CRAMP1: variants seen among roughly 807,000 people sequenced by gnomAD.
The protein encoded by CRAMP1 is protein cramped-like.
In CRAMP1, 50 loss-of-function variants were observed where a neutral mutation model predicts 115.4. That is an observed-to-expected ratio of 0.43 (90% CI 0.35 to 0.55). CRAMP1 has a LOEUF of 0.55. Ranked by LOEUF, CRAMP1 falls within the 20% of genes least tolerant of loss-of-function variation. The probability of loss-of-function intolerance (pLI) is 0.01; values close to 1 mark genes in which losing one functional copy is unlikely to be tolerated. For synonymous variants in CRAMP1, 866 were observed against 745.4 expected, an observed-to-expected ratio of 1.16 and a Z score of -2.64; for missense variants, 1,679 against 1,721.7, an observed-to-expected ratio of 0.98 and a Z score of 0.44.
intron 1 of CRAMP1, among the ~76,000 whole-genome samples, chr16:1,613,517 C>A (rs945736913): frequency 6.6e-6 from 1 of 152,212 alleles, no homozygotes; most frequent in African/African-American, 2.4e-5. Context: ...GGAATCTAAT[C>A]TTCAGCGTTT....
At chr16:1,654,974 C>G (rs1262600603) in intron 8 of CRAMP1, among the ~76,000 whole-genome samples, 1 of 152,268 alleles carries the variant, frequency 6.6e-6, no homozygotes, top group Non-Finnish European at 1.5e-5. Context: ...CTTTTGCTGG[C>G]AAAGAATACT....
rs1183355498 is a variant in CRAMP1, at chr16:1,674,036, G to A, written c.3801G>A (p.Leu1267=). 1 of 1,611,936 alleles carries A rather than the reference G, an allele frequency of 6.2e-7. No individual in the cohort carries two copies. Among genetic ancestry groups the A allele is most frequent in the Non-Finnish European group, 8.5e-7 (1 of 1,179,800 alleles). The change falls in exon 21 of 21, where the codon CTG becomes CTA. Residue 1267 remains leucine (L), a synonymous_variant. Coordinates refer to ENST00000397412, the MANE Select transcript of CRAMP1 (RefSeq NM_020825.4). The stretch of plus-strand genomic sequence containing the variant: ...GAGGCGGCCCCGCTGTCAGTGACCT[G>A]TCCCAGTGACCACACGTCCTGGTGG... ...GGGGGPAVSD[L]SQ
At position 1,660,050 on chromosome 16, in the gene CRAMP1, A is replaced by C. The variant is rs557124584; in HGVS notation, c.2400A>C (p.Ala800=). ...GCAAGACCTTCCCGCCCAGCTCTGCACCCTGCTCCTCAGGTGAGGCTGTGG... is the reference window on the plus strand; with the variant it reads ...GCAAGACCTTCCCGCCCAGCTCTGCCCCCTGCTCCTCAGGTGAGGCTGTGG... ...RSSKTFPPSS[A]PCSSGLRNPP... Residue 800 remains alanine, a synonymous_variant, in exon 11 of 21, where the codon GCA becomes GCC. Transcript: ENST00000397412. 1 of 1,582,170 alleles carries C rather than the reference A, an allele frequency of 6.3e-7. No individual in the cohort carries two copies. Among genetic ancestry groups the C allele is most frequent in the South Asian group, 1.1e-5 (1 of 88,644 alleles).
intron 10 of CRAMP1, among the ~76,000 whole-genome samples, chr16:1,658,118 C>T (rs1375195428): frequency 1.3e-5 from 2 of 152,220 alleles, no homozygotes; most frequent in Non-Finnish European, 2.9e-5. Flanking sequence ...CGGTGCAGGG[C>T]TTGCCCCGGA....
At chr16:1,633,700 G>A (rs2036564248) in intron 4 of CRAMP1, among the ~76,000 whole-genome samples, 1 of 152,164 alleles carries the variant, frequency 6.6e-6, no homozygotes, top group Non-Finnish European at 1.5e-5. Context: ...CTTCCAGAGT[G>A]GCACGCAGCA....
At chr16:1,649,948 C>T (rs1299233715) in intron 6 of CRAMP1, among the ~76,000 whole-genome samples, 1 of 151,998 alleles carries the variant, frequency 6.6e-6, no homozygotes, top group Admixed American at 6.6e-5. Context: ...TGCATGCCAC[C>T]ATGCCCGGCT....
At chr16:1,628,687 C>T (rs990383870) in intron 3 of CRAMP1, among the ~76,000 whole-genome samples, 2 of 152,248 alleles carry the variant, frequency 1.3e-5, no homozygotes, top group African/African-American at 4.8e-5. Context: ...GGTGACTGGG[C>T]ACAGGCCTCT....
intron 8 of CRAMP1, among the ~76,000 whole-genome samples, chr16:1,654,209 A>T (rs1373038453): frequency 2.8e-4 from 41 of 147,430 alleles, no homozygotes; most frequent in African/African-American, 9.2e-4. Flanking sequence ...GCCTTTTTTT[A>T]TTTTTTCTTT....
At chr16:1,657,950 G>C (rs1048473932) in intron 10 of CRAMP1, among the ~76,000 whole-genome samples, 5 of 152,186 alleles carry the variant, frequency 3.3e-5, no homozygotes, top group African/African-American at 1.2e-4. Context: ...TGTGTGTGAG[G>C]CTCACATGTC....
chr16:1,615,113 A>T (rs2036406804), intron 2 of CRAMP1, 128 bp downstream of exon 2: 1 of 458,190 alleles, frequency 2.2e-6, no homozygotes, highest in Admixed American at 4.5e-5. Flanking sequence ...TGAGGCTCTC[A>T]ATTTGGGTGG....
intron 6 of CRAMP1, among the ~76,000 whole-genome samples, chr16:1,643,890 G>C (rs926495994): frequency 6.6e-6 from 1 of 152,256 alleles, no homozygotes; most frequent in Non-Finnish European, 1.5e-5. Context: ...CAGTGGAGGG[G>C]CTCTGAGATG....
At chr16:1,646,999 G>T in intron 6 of CRAMP1, 1 of 702,466 alleles carries the variant, frequency 1.4e-6, no homozygotes, top group South Asian at 1.5e-5. Flanking sequence ...CAACTTTTGT[G>T]ACCGTTCTTT....
At chr16:1,649,684 T>G (rs1230804045) in intron 6 of CRAMP1, among the ~76,000 whole-genome samples, 3 of 151,386 alleles carry the variant, frequency 2.0e-5, no homozygotes, top group Non-Finnish European at 4.4e-5. Context: ...AGAGACGGGG[T>G]TTCACCGTGT....
In CRAMP1 at chr16:1,614,768, C is replaced by T; in HGVS notation, c.129C>T (p.Ser43=). 1 of 1,363,342 alleles carries T rather than the reference C, an allele frequency of 7.3e-7. No individual in the cohort carries two copies. Among genetic ancestry groups the T allele is most frequent in the Non-Finnish European group, 9.6e-7 (1 of 1,046,420 alleles). 84.5% of individuals were successfully genotyped at this position (1,363,342 alleles called of 1,614,324 possible). ...AGGADAAEES[S]GTKRDEKTPR... is the part of the protein sequence containing the mutation. Reference sequence around the variant, plus strand: ...GCGCAGACGCGGCCGAGGAGAGCAGCGGCACAAAGAGGGACGAGAAGACCC... The same window carrying T: ...GCGCAGACGCGGCCGAGGAGAGCAGTGGCACAAAGAGGGACGAGAAGACCC... Residue 43 remains serine, a synonymous_variant, in exon 2 of 21, where the codon AGC becomes AGT. Transcript: ENST00000397412. This position sits in a 1 kb window ranked among gnomAD's most constrained non-coding sequence, Gnocchi z 4.4.
At position 1,666,137 on chromosome 16, in the gene CRAMP1, G is replaced by A; in HGVS notation, c.2817G>A (p.Val939=). ...LTKAALSRPI[V]PKVLPPQATS... ...AAGCAGCTCTGTCTCGGCCGATCGT[G>A]CCCAAGGTCCTTCCACCCCAGGCCA... The change falls in exon 15 of 21, where the codon GTG becomes GTA. Residue 939 remains valine, a synonymous_variant. Coordinates refer to ENST00000397412, the MANE Select transcript of CRAMP1 (RefSeq NM_020825.4). This position sits in a 1 kb window ranked among gnomAD's most constrained non-coding sequence, Gnocchi z 5.0. 6.2e-7 allele frequency: 1 copy of A among 1,610,804 alleles called. No homozygotes were observed. The highest frequency in any genetic ancestry group is 8.5e-7 in the Non-Finnish European group (1 of 1,178,632).
Position 1,667,402 on chromosome 16 carries a change from TAG to T in CRAMP1, c.3102+5_3102+6del. 1 of 1,611,664 alleles carries T rather than the reference TAG, an allele frequency of 6.2e-7. No homozygotes were observed. The highest frequency in any genetic ancestry group is 8.5e-7 in the Non-Finnish European group (1 of 1,179,090). ...GAGCCAGTGGCAGACAGTTTCCAGG[TAG>T]AGTGTGCTCTTGGGCTGCTGAGCAA... is the stretch of plus-strand genomic sequence containing the variant. On this transcript the variant is annotated splice_donor_region_variant and intron_variant, in intron 17 of 20. Coordinates refer to ENST00000397412, the MANE Select transcript of CRAMP1 (RefSeq NM_020825.4).
chr16:1,672,902 G>T lies in CRAMP1; in HGVS notation c.3646-979G>T, dbSNP rs2036933560. Among the ~76,000 whole-genome samples the T allele has an allele frequency of 6.6e-6, 1 of 152,252 alleles. No homozygotes were observed. The highest frequency in any genetic ancestry group is 2.1e-4 in the South Asian group (1 of 4,836). ...GCCACCACCTTGGTCGTGCTTTTCA[G>T]TCAAAGCCTCTTCCTGTCTCAGGGA... On this transcript the variant is annotated intron_variant, in intron 20 of 20. Coordinates refer to ENST00000397412, the MANE Select transcript of CRAMP1 (RefSeq NM_020825.4). This position sits in a 1 kb window ranked among gnomAD's most constrained non-coding sequence, Gnocchi z 4.9.
rs762837515 is a variant in CRAMP1, at chr16:1,656,077, C to T, written c.1320C>T (p.His440=). Residue 440 remains histidine, a synonymous_variant, in exon 10 of 21, where the codon CAC becomes CAT. Transcript: ENST00000397412. The surrounding 1 kb of genome is among the most constrained non-coding windows in gnomAD (Gnocchi z 5.6). Reference sequence around the variant, plus strand: ...GCAAGCAGAGTGCCAAGGACGCCCACGTGCTGCCCCCAGCCCAGATCCTGG... The same window carrying T: ...GCAAGCAGAGTGCCAAGGACGCCCATGTGCTGCCCCCAGCCCAGATCCTGG... ...GRCKQSAKDA[H]VLPPAQILGI... is the part of the protein sequence containing the mutation. 9 of 1,610,182 alleles carry T rather than the reference C, an allele frequency of 5.6e-6. No individual in the cohort carries two copies. The highest frequency in any genetic ancestry group is 2.2e-5 in the East Asian group (1 of 44,818).
intron 2 of CRAMP1, among the ~76,000 whole-genome samples, chr16:1,619,576 C>G (rs1428951580): frequency 6.6e-6 from 1 of 152,164 alleles, no homozygotes; most frequent in Non-Finnish European, 1.5e-5. Flanking sequence ...TCTTGCAATA[C>G]CTACAGGATA....
Sources: gnomAD v4.1 joint callset for allele counts (sites outside exome capture counted in the v4.1 genomes callset) on GRCh38, gnomAD v4.1.1 for gene constraint, Gnocchi (gnomAD v3.1) non-coding constraint, MANE v1.5 for transcripts, NCBI Gene and HGNC (gene_info 2026-07-23, HGNC 2026-07-21) for gene names.